The following FAM135B variants were observed in gnomAD, a reference collection of about 807,000 sequenced individuals.
The protein encoded by FAM135B is protein FAM135B.
In FAM135B, 43 loss-of-function variants were observed where a neutral mutation model predicts 127.7. That is an observed-to-expected ratio of 0.34 (90% CI 0.26 to 0.43). FAM135B has a LOEUF of 0.43. Among genes scored for constraint, FAM135B ranks in the 20% least tolerant of loss-of-function variants. The pLI, the probability that FAM135B is intolerant of heterozygous loss-of-function variation, is 1.00. For missense variants in FAM135B, 1,558 were observed against 1,725.6 expected (o/e 0.90, Z 1.72); for synonymous variants, 670 against 665.1 (o/e 1.01, Z -0.11).
intron 1 of FAM135B, among the ~76,000 whole-genome samples, chr8:138,472,807 C>T (rs765336948): frequency 3.3e-5 from 5 of 152,124 alleles, no homozygotes; most frequent in African/African-American, 4.8e-5. Context: ...CAAGACTGAG[C>T]GCTAGTAGAT....
At chr8:138,245,798 G>A (rs1354483213) in intron 6 of FAM135B, among the ~76,000 whole-genome samples, 1 of 152,160 alleles carries the variant, frequency 6.6e-6, no homozygotes, top group Non-Finnish European at 1.5e-5. Flanking sequence ...GAGGAAGATA[G>A]GAAAATGTGA....
chr8:138,407,626 T>G (rs890774095), intron 1 of FAM135B, among the ~76,000 whole-genome samples: 1 of 152,190 alleles, frequency 6.6e-6, no homozygotes. Flanking sequence ...TATCTGATCT[T>G]TGACAAACCT....
chr8:138,405,212 T>C (rs1049049777), intron 1 of FAM135B, among the ~76,000 whole-genome samples: 1 of 147,362 alleles, frequency 6.8e-6, no homozygotes, highest in African/African-American at 2.6e-5. Flanking sequence ...TCTTTTTTTT[T>C]CTTTTTTTTT....
At chr8:138,174,291 T>C (rs1016867300) in intron 11 of FAM135B, among the ~76,000 whole-genome samples, 5 of 152,198 alleles carry the variant, frequency 3.3e-5, no homozygotes, top group Admixed American at 3.3e-4. Flanking sequence ...GTCACCTACA[T>C]TGCCTCATGT....
rs942543004 is a variant in FAM135B at position 138,141,441 on chromosome 8, C to A, written c.3639-92G>T. On this transcript the variant is annotated intron_variant, in intron 16 of 19. Coordinates refer to ENST00000395297, the MANE Select transcript of FAM135B (RefSeq NM_015912.4). The surrounding 1 kb of genome is among the most constrained non-coding windows in gnomAD (Gnocchi z 4.7). ...TGGAAGCATCAGGGGCCATTGTTCTCCACCTCCCACTGAATGTAGGGGAAC... is the reference window on the plus strand; with the variant it reads ...TGGAAGCATCAGGGGCCATTGTTCTACACCTCCCACTGAATGTAGGGGAAC... 1.6e-6 allele frequency: 2 copies of A among 1,261,394 alleles called. No individual in the cohort carries two copies. Among genetic ancestry groups the A allele is most frequent in the Non-Finnish European group, 2.3e-6 (2 of 877,970 alleles). The allele number at this position is 1,261,394 out of a possible 1,614,324, so 78.1% of individuals were successfully genotyped here.
rs532516689 is a variant in FAM135B at position 138,159,460 on chromosome 8, T to G, written c.1259-6244A>C. Among the ~76,000 whole-genome samples the G allele has an allele frequency of 6.1e-4, 92 of 150,968 alleles. 1 individual carries two copies. The highest frequency in any genetic ancestry group is 9.1e-4 in the Non-Finnish European group (62 of 67,840). ...TGAATTCATGTCCTTTGTAGGGACA[T>G]GGATGAAGCTGGAAACTATCATTCT... On this transcript the variant is annotated intron_variant, in intron 12 of 19. Transcript: ENST00000395297.
intron 4 of FAM135B, among the ~76,000 whole-genome samples, chr8:138,263,096 C>T (rs999345249): frequency 1.3e-5 from 2 of 151,976 alleles, no homozygotes; most frequent in Non-Finnish European, 2.9e-5. Context: ...AAATGGTATG[C>T]TGGCAAAGGT....
rs369210801 is a variant in FAM135B at position 138,449,660 on chromosome 8, TG to T, written c.-20+47010del. 4.0e-3 allele frequency among the ~76,000 whole-genome samples: 602 copies of T among 152,236 alleles called. 3 individuals carry two copies. The highest frequency in any genetic ancestry group is 0.014 in the African/African-American group (572 of 41,550). On this transcript the variant is annotated intron_variant, in intron 1 of 19. Coordinates refer to ENST00000395297, the MANE Select transcript of FAM135B (RefSeq NM_015912.4). ...TCAGATTTCTTTTTCTAAGACTTTA[TG>T]TTTTTCAAACAGCTTTAGGATCACA... is the stretch of plus-strand genomic sequence containing the variant.
Position 138,300,231 on chromosome 8 carries a change from C to T in FAM135B, c.157+10610G>A, listed in dbSNP as rs181072421. 6.0e-5 allele frequency among the ~76,000 whole-genome samples: 9 copies of T among 150,886 alleles called. No homozygotes were observed. The East Asian group carries it at 1.4e-3, about 23-fold the overall frequency. On this transcript the variant is annotated intron_variant, in intron 3 of 19. Coordinates refer to ENST00000395297, the MANE Select transcript of FAM135B (RefSeq NM_015912.4). ...TTCACATTTCAGAGGTCCTTATACC[C>T]GTGTCCCTCCCACTGTGTGTTCCTT...
intron 2 of FAM135B, among the ~76,000 whole-genome samples, chr8:138,327,067 C>A (rs1463743326): frequency 6.6e-6 from 1 of 152,096 alleles, no homozygotes; most frequent in African/African-American, 2.4e-5. Flanking sequence ...CAATTTAATT[C>A]TAGGATATAT....
At chr8:138,321,718 A>C (rs535482678) in intron 2 of FAM135B, among the ~76,000 whole-genome samples, 1 of 152,318 alleles carries the variant, frequency 6.6e-6, no homozygotes, top group Non-Finnish European at 1.5e-5. Context: ...CCTGGCAAGT[A>C]TTGAGTCTAA....
chr8:138,227,247 T>G (rs1224158292), intron 7 of FAM135B, among the ~76,000 whole-genome samples: 3 of 152,186 alleles, frequency 2.0e-5, no homozygotes, highest in Non-Finnish European at 4.4e-5. Context: ...GTCAAACCAA[T>G]TATCCTCTTT....
At chr8:138,400,275 C>T (rs1833084318) in intron 1 of FAM135B, among the ~76,000 whole-genome samples, 1 of 152,122 alleles carries the variant, frequency 6.6e-6, no homozygotes, top group Non-Finnish European at 1.5e-5. Flanking sequence ...CCCAGGCCAA[C>T]AGATGCAAGG....
chr8:138,400,086 T>C (rs1833073468), intron 1 of FAM135B, among the ~76,000 whole-genome samples: 1 of 152,098 alleles, frequency 6.6e-6, no homozygotes, highest in Non-Finnish European at 1.5e-5. Context: ...GGAATGGATG[T>C]TGGTGTGAAT....
chr8:138,468,194 C>T (rs2131638534), intron 1 of FAM135B, among the ~76,000 whole-genome samples: 1 of 152,274 alleles, frequency 6.6e-6, no homozygotes, highest in South Asian at 2.1e-4. Context: ...ATTTACAGAG[C>T]CTGACATGTG....
chr8:138,138,941 C>G, intron 18 of FAM135B, 45 bp downstream of exon 18: 1 of 1,206,712 alleles, frequency 8.3e-7, no homozygotes, highest in Non-Finnish European at 1.2e-6. Context: ...GGAGTTGAAT[C>G]CCAAGCTCAA....
chr8:138,247,412 C>T (rs1380218412), intron 6 of FAM135B, among the ~76,000 whole-genome samples: 6 of 152,188 alleles, frequency 3.9e-5, no homozygotes, highest in African/African-American at 1.4e-4. Flanking sequence ...TGAGTGAGTG[C>T]TCACAAGATC....
At chr8:138,324,945 A>G (rs916692610) in intron 2 of FAM135B, among the ~76,000 whole-genome samples, 2 of 152,204 alleles carry the variant, frequency 1.3e-5, no homozygotes, top group African/African-American at 4.8e-5. Flanking sequence ...AGTACTGTTC[A>G]ATCATTTTAC....
At position 138,242,864 on chromosome 8, in the gene FAM135B, A is replaced by G; in HGVS notation, c.669+78T>C. The G allele has an allele frequency of 1.3e-6, 2 of 1,510,484 alleles. No homozygotes were observed. The highest frequency in any genetic ancestry group is 2.3e-5 in the East Asian group (1 of 42,726). 93.6% of individuals were successfully genotyped at this position (1,510,484 alleles called of 1,614,324 possible). Reference sequence around the variant, plus strand: ...ATCTCTGAAGGGGATGTTTCAAAGAAGCATGAATCTCATAGAACATACACT... The same window carrying G: ...ATCTCTGAAGGGGATGTTTCAAAGAGGCATGAATCTCATAGAACATACACT... On this transcript the variant is annotated intron_variant, in intron 7 of 19. Coordinates refer to ENST00000395297, the MANE Select transcript of FAM135B (RefSeq NM_015912.4). This position sits in a 1 kb window ranked among gnomAD's most constrained non-coding sequence, Gnocchi z 9.6.
Sources: gnomAD v4.1 joint callset for allele counts (sites outside exome capture counted in the v4.1 genomes callset) on GRCh38, gnomAD v4.1.1 for gene constraint, Gnocchi (gnomAD v3.1) non-coding constraint, MANE v1.5 for transcripts, NCBI Gene and HGNC (gene_info 2026-07-23, HGNC 2026-07-21) for gene names.